The following PRCD variants were observed in gnomAD, a reference collection of about 807,000 sequenced individuals.
PRCD encodes the protein photoreceptor disk component PRCD.
A neutral mutation model predicts 10.1 loss-of-function variants in PRCD; 12 were observed. That is an observed-to-expected ratio of 1.18 (90% CI 0.76 to 1.92). The LOEUF (loss-of-function observed/expected upper bound fraction) is 1.92, where lower values mean the gene tolerates loss of function less well. PRCD is among the 40% of genes most tolerant of loss of function. The pLI, the probability that PRCD is intolerant of heterozygous loss-of-function variation, is 0.00. For synonymous variants in PRCD, 31 were observed against 26.2 expected, an observed-to-expected ratio of 1.18 and a Z score of -0.56; for missense variants, 61 against 72.2, an observed-to-expected ratio of 0.84 and a Z score of 0.56.
At chr17:76,542,393 C>G (rs1319631329) in intron 2 of PRCD, among the ~76,000 whole-genome samples, 160 bp from the exon 3 acceptor site, 1 of 152,250 alleles carries the variant, frequency 6.6e-6, no homozygotes. Context: ...CATTTCTACT[C>G]TCCAGTCACA....
chr17:76,542,691 G>C, intron 3 of PRCD, 58 bp downstream of exon 3: 1 of 1,128,662 alleles, frequency 8.9e-7, no homozygotes, highest in Non-Finnish European at 1.3e-6. Flanking sequence ...CAGGCAGGAA[G>C]CAACAGGCAA....
In PRCD at chr17:76,531,706, A is replaced by T. The variant is rs751166799; in HGVS notation, n.45+3873A>T. The T allele has an allele frequency of 1.3e-6, 2 of 1,573,678 alleles. No homozygotes were observed. The highest frequency in any genetic ancestry group is 2.3e-5 in the South Asian group (2 of 87,382). ...TCACAAAGAACCTGGCAAGAGGAAC[A>T]GGGGTGGTCGCTGAAGCTGGAGGCT... On this transcript the variant is annotated intron_variant and non_coding_transcript_variant, in intron 1 of 4. Transcript: ENST00000397633. This position sits in a 1 kb window ranked among gnomAD's most constrained non-coding sequence, Gnocchi z 7.4.
At chr17:76,529,081 C>T in intron 1 of PRCD, 1 of 955,228 alleles carries the variant, frequency 1.0e-6, no homozygotes, top group East Asian at 1.3e-4. Flanking sequence ...AAGGCGCACA[C>T]CCTGGAGCAG....
chr17:76,542,594 G>C lies in PRCD; in HGVS notation c.*20G>C. The stretch of plus-strand genomic sequence containing the variant: ...AAGTAAGCCCTCACCTCTGCAGGTG[G>C]GGCTCAGGCCCAGAGACTGGGATCA... On this transcript the variant is annotated 3_prime_UTR_variant, in exon 3 of 5. Transcript: ENST00000592014. 1 of 1,614,030 alleles carries C rather than the reference G, an allele frequency of 6.2e-7. No individual in the cohort carries two copies. The highest frequency in any genetic ancestry group is 8.5e-7 in the Non-Finnish European group (1 of 1,179,892).
In PRCD at chr17:76,530,101, T is replaced by TGGGAATGTTTCTCTACCAC. The variant is rs551261639; in HGVS notation, n.45+2289_45+2307dup. The TGGGAATGTTTCTCTACCAC allele has an allele frequency of 5.7e-3, 5,572 of 983,196 alleles. 27 individuals carry two copies. The highest frequency in any genetic ancestry group is 6.2e-3 in the Non-Finnish European group (5,143 of 827,908). The allele number at this position is 983,196 out of a possible 1,614,324, so 60.9% of individuals were successfully genotyped here. A position where few individuals can be genotyped will look rare whatever the true frequency, so the allele number is the denominator to read the frequency against. ...CGCCGCCTTTTCCATGGGAAACTGC[T>TGGGAATGTTTCTCTACCAC]GGGAATGTTTCTCTACCACGGGAAT... is the stretch of plus-strand genomic sequence containing the variant. On this transcript the variant is annotated intron_variant and non_coding_transcript_variant, in intron 1 of 4. Transcript: ENST00000397633. This position sits in a 1 kb window ranked among gnomAD's most constrained non-coding sequence, Gnocchi z 6.1.
Position 76,545,189 on chromosome 17 carries a change from C to A in PRCD, c.*1539C>A, listed in dbSNP as rs1398353711. On this transcript the variant is annotated 3_prime_UTR_variant, in exon 5 of 5. Coordinates refer to ENST00000592014, the MANE Select transcript of PRCD (RefSeq NM_001077620.3). ...CTCTCCCACCCCTGGGCTCTCTGCG[C>A]AGTCTGCACATTTGCAGCTCCTGCT... is the stretch of plus-strand genomic sequence containing the variant. 2.2e-6 allele frequency: 1 copy of A among 456,672 alleles called. No individual in the cohort carries two copies. The highest frequency in any genetic ancestry group is 2.0e-5 in the African/African-American group (1 of 50,098). The allele number at this position is 456,672 out of a possible 1,614,324, so 28.3% of individuals were successfully genotyped here.
intron 4 of PRCD, 79 bp downstream of exon 4, chr17:76,543,200 C>T (rs1447064203): frequency 2.4e-6 from 1 of 415,558 alleles, no homozygotes; most frequent in Non-Finnish European, 4.9e-6. Flanking sequence ...TGAGCAGGAC[C>T]TGGCTGGGCC....
intron 2 of PRCD, among the ~76,000 whole-genome samples, chr17:76,541,593 A>G (rs1156933559): frequency 6.6e-6 from 1 of 152,176 alleles, no homozygotes; most frequent in Non-Finnish European, 1.5e-5. Flanking sequence ...CCCAATGGGA[A>G]GCCCTGGGCC....
intron 2 of PRCD, among the ~76,000 whole-genome samples, chr17:76,541,066 G>A (rs765155286): frequency 2.0e-5 from 3 of 152,312 alleles, no homozygotes; most frequent in South Asian, 2.1e-4. Context: ...CAGACCCTGC[G>A]GGCAGGACGC....
At position 76,540,227 on chromosome 17, in the gene PRCD, A is replaced by C; in HGVS notation, c.74+12A>C. On this transcript the variant is annotated intron_variant, in intron 1 of 4. Coordinates refer to ENST00000592014, the MANE Select transcript of PRCD (RefSeq NM_001077620.3). This position sits in a 1 kb window ranked among gnomAD's most constrained non-coding sequence, Gnocchi z 5.0. ...AACCGAGTCCAACCGTGAGAAACTGACCGGGCTATGGCTGGCGGTTGGTCG... is the reference window on the plus strand; with the variant it reads ...AACCGAGTCCAACCGTGAGAAACTGCCCGGGCTATGGCTGGCGGTTGGTCG... 1.2e-6 allele frequency: 1 copy of C among 850,750 alleles called. No individual in the cohort carries two copies. The highest frequency in any genetic ancestry group is 5.4e-5 in the East Asian group (1 of 18,372). 52.7% of individuals were successfully genotyped at this position (850,750 alleles called of 1,614,324 possible). A position where few individuals can be genotyped will look rare whatever the true frequency, so the allele number is the denominator to read the frequency against.
chr17:76,547,961 CAT>C (rs2075071022), downstream of PRCD, among the ~76,000 whole-genome samples: 1 of 151,726 alleles, frequency 6.6e-6, no homozygotes, highest in East Asian at 1.9e-4. Flanking sequence ...TATACACACA[CAT>C]ACACATAAAC....
chr17:76,531,482 T>G lies in PRCD; in HGVS notation n.45+3649T>G. 1 of 1,611,770 alleles carries G rather than the reference T, an allele frequency of 6.2e-7. No homozygotes were observed. Among genetic ancestry groups the G allele is most frequent in the East Asian group, 2.2e-5 (1 of 44,768 alleles). On this transcript the variant is annotated intron_variant and non_coding_transcript_variant, in intron 1 of 4. Coordinates refer to the PRCD transcript ENST00000397633. This position sits in a 1 kb window ranked among gnomAD's most constrained non-coding sequence, Gnocchi z 7.4. Reference sequence around the variant, plus strand: ...TACCTTGAAGTACACCGGTTCCACCTTGTGCTTGAGGGCGTGGGCTTTCCC... The same window carrying G: ...TACCTTGAAGTACACCGGTTCCACCGTGTGCTTGAGGGCGTGGGCTTTCCC...
At chr17:76,537,337 C>T (rs1170084169), upstream of PRCD, 8 of 1,491,110 alleles carry the variant, frequency 5.4e-6, no homozygotes, top group Non-Finnish European at 6.2e-6. Context: ...GCCCAGCCCT[C>T]CTCTGCCCGG....
At chr17:76,539,778 G>A (rs949575020), upstream of PRCD, among the ~76,000 whole-genome samples, 6 of 152,166 alleles carry the variant, frequency 3.9e-5, no homozygotes, top group South Asian at 2.1e-4. Flanking sequence ...CCCTGTAGGC[G>A]CCTTGAATAA....
chr17:76,532,445 C>T (rs371778265), intron 1 of PRCD, among the ~76,000 whole-genome samples: 14 of 152,108 alleles, frequency 9.2e-5, no homozygotes, highest in East Asian at 3.9e-4. Flanking sequence ...CTCCTTCCAG[C>T]GTGTCAGACT....
rs1567911434 is a variant in PRCD at position 76,540,869 on chromosome 17, G to A, written c.143+296G>A. Reference sequence around the variant, plus strand: ...GTCAGAAGGCACAGGGGAGTGGAAGGAGGGATGAGGCAGGAGTAGCTCTGT... The same window carrying A: ...GTCAGAAGGCACAGGGGAGTGGAAGAAGGGATGAGGCAGGAGTAGCTCTGT... On this transcript the variant is annotated intron_variant, in intron 2 of 4. Transcript: ENST00000592014. The surrounding 1 kb of genome is among the most constrained non-coding windows in gnomAD (Gnocchi z 5.0). 6.6e-6 allele frequency among the ~76,000 whole-genome samples: 1 copy of A among 152,230 alleles called. No individual in the cohort carries two copies. The highest frequency in any genetic ancestry group is 2.4e-5 in the African/African-American group (1 of 41,454).
Position 76,531,527 on chromosome 17 carries a change from G to A in PRCD, n.45+3694G>A, listed in dbSNP as rs887769452. 1.9e-6 allele frequency: 3 copies of A among 1,614,022 alleles called. No individual in the cohort carries two copies. The highest frequency in any genetic ancestry group is 2.2e-5 in the South Asian group (2 of 91,092). ...TTTCCCCACAAGGGCGAGCACAGAG[G>A]ACACCTTGTCGGGGTCATGCAGGTT... On this transcript the variant is annotated intron_variant and non_coding_transcript_variant, in intron 1 of 4. Transcript: ENST00000397633. The surrounding 1 kb of genome is among the most constrained non-coding windows in gnomAD (Gnocchi z 7.4).
chr17:76,528,961 G>A lies in PRCD; in HGVS notation n.45+1128G>A. 1 of 1,053,118 alleles carries A rather than the reference G, an allele frequency of 9.5e-7. No homozygotes were observed. Among genetic ancestry groups the A allele is most frequent in the Non-Finnish European group, 1.1e-6 (1 of 874,598 alleles). 65.2% of individuals were successfully genotyped at this position (1,053,118 alleles called of 1,614,324 possible). A position where few individuals can be genotyped will look rare whatever the true frequency, so the allele number is the denominator to read the frequency against. On this transcript the variant is annotated intron_variant and non_coding_transcript_variant, in intron 1 of 4. Transcript: ENST00000397633. This position sits in a 1 kb window ranked among gnomAD's most constrained non-coding sequence, Gnocchi z 5.8. ...TTAATTCTGAAACGTGGCGCATTCT[G>A]TCCGGCCTGTCTCGTCCCTCCTCGG...
At chr17:76,548,309 TACAC>T (rs1227520621), downstream of PRCD, among the ~76,000 whole-genome samples, 6 of 152,158 alleles carry the variant, frequency 3.9e-5, no homozygotes, top group East Asian at 1.9e-4. Context: ...CATACACAAA[TACAC>T]ACAGTATCAT....
Sources: gnomAD v4.1 joint callset for allele counts (sites outside exome capture counted in the v4.1 genomes callset) on GRCh38, gnomAD v4.1.1 for gene constraint, Gnocchi (gnomAD v3.1) non-coding constraint, MANE v1.5 for transcripts, NCBI Gene and HGNC (gene_info 2026-07-23, HGNC 2026-07-21) for gene names.